The following NFIA variants were observed in gnomAD, a reference collection of about 807,000 sequenced individuals.
NFIA encodes nuclear factor I A.
A neutral mutation model predicts 62.8 loss-of-function variants in NFIA; 8 were observed. That is an observed-to-expected ratio of 0.13 (90% CI 0.07 to 0.23). NFIA has a LOEUF of 0.23. NFIA is among the 10% of genes least tolerant of loss of function. NFIA has a pLI of 1.00. For missense variants in NFIA, 410 were observed against 642.1 expected (o/e 0.64, Z 3.91); for synonymous variants, 235 against 238.1 (o/e 0.99, Z 0.12).
intron 6 of NFIA, among the ~76,000 whole-genome samples, chr1:61,372,862 A>G (rs1427432691): frequency 6.6e-6 from 1 of 152,034 alleles, no homozygotes; most frequent in African/African-American, 2.4e-5. Flanking sequence ...TGAAGGCACA[A>G]CTCTTTCAGA....
intron 6 of NFIA, among the ~76,000 whole-genome samples, chr1:61,371,895 C>T (rs1396462233): frequency 6.6e-6 from 1 of 151,918 alleles, no homozygotes; most frequent in African/African-American, 2.4e-5. Context: ...AGACCTTTCC[C>T]TCACAAGTTT....
At chr1:61,317,291 A>G (rs1660416813) in intron 3 of NFIA, among the ~76,000 whole-genome samples, 1 of 152,162 alleles carries the variant, frequency 6.6e-6, no homozygotes, top group African/African-American at 2.4e-5. Flanking sequence ...CCTAACGTCC[A>G]TTTCTAGAGT....
chr1:61,435,254 T>G (rs574275880), intron 10 of NFIA, among the ~76,000 whole-genome samples: 1 of 152,322 alleles, frequency 6.6e-6, no homozygotes, highest in African/African-American at 2.4e-5. Context: ...ATCTTGTGTA[T>G]CTTACCCTTT....
At chr1:61,130,688 C>T (rs997962012) in intron 2 of NFIA, among the ~76,000 whole-genome samples, 3 of 152,178 alleles carry the variant, frequency 2.0e-5, no homozygotes, top group Non-Finnish European at 4.4e-5. Context: ...GGGGGGCGTA[C>T]GTTTCTGTAG....
intron 6 of NFIA, among the ~76,000 whole-genome samples, chr1:61,367,319 GC>G (rs1372381966): frequency 5.3e-5 from 8 of 152,186 alleles, no homozygotes; most frequent in Non-Finnish European, 8.8e-5. Flanking sequence ...TAACAATAGT[GC>G]TTTGATCATG....
upstream of NFIA, chr1:61,082,157 A>G: frequency 1.7e-6 from 1 of 573,850 alleles, no homozygotes; most frequent in South Asian, 1.7e-5. Context: ...TACAGACTGT[A>G]ACTGCTCCTC....
intron 2 of NFIA, 131 bp from the exon 3 acceptor site, chr1:61,277,389 A>C (rs1453505996): frequency 3.9e-6 from 3 of 766,970 alleles, no homozygotes; most frequent in Non-Finnish European, 4.3e-6. Context: ...TCTTTTTTTC[A>C]TGTCTCATGT....
rs1170162185 is a variant in NFIA, at chr1:61,088,250, A to G, written c.129A>G (p.Lys43=). ...CCCGAAAACGAAAATACTTCAAAAA[A>G]CATGAAAAGCGTATGTCAAAAGAAG... is the stretch of plus-strand genomic sequence containing the variant. ...LQARKRKYFK[K]HEKRMSKEEE... The change falls in exon 2 of 11, where the codon AAA becomes AAG. Residue 43 remains lysine (K), a synonymous_variant. Coordinates refer to ENST00000403491, the MANE Select transcript of NFIA (RefSeq NM_001134673.4). The surrounding 1 kb of genome is among the most constrained non-coding windows in gnomAD (Gnocchi z 4.5). 6.2e-7 allele frequency: 1 copy of G among 1,613,644 alleles called. No individual in the cohort carries two copies. Among genetic ancestry groups the G allele is most frequent in the African/African-American group, 1.3e-5 (1 of 74,784 alleles).
chr1:61,202,537 C>T (rs888950429), intron 2 of NFIA, among the ~76,000 whole-genome samples: 1 of 152,022 alleles, frequency 6.6e-6, no homozygotes, highest in Admixed American at 6.6e-5. Context: ...TGATACATAC[C>T]AGGTCTATAG....
intron 2 of NFIA, among the ~76,000 whole-genome samples, chr1:61,264,559 G>A (rs1657018195): frequency 6.7e-6 from 1 of 148,880 alleles, no homozygotes; most frequent in African/African-American, 2.5e-5. Context: ...GCTGAGACGG[G>A]AGAATTGCCA....
chr1:61,461,249 T>C lies in NFIA; in HGVS notation c.*5929T>C, dbSNP rs143921926. ...TCAAGCCAGGTACCCATGCTTGATC[T>C]GTCTTCACACCAGACCTCCTCATAT... On this transcript the variant is annotated 3_prime_UTR_variant, in exon 11 of 11. Coordinates refer to ENST00000403491, the MANE Select transcript of NFIA (RefSeq NM_001134673.4). 2.0e-5 allele frequency: 3 copies of C among 152,262 alleles called. No individual in the cohort carries two copies. The highest frequency in any genetic ancestry group is 4.4e-5 in the Non-Finnish European group (3 of 68,018). 9.4% of individuals were successfully genotyped at this position (152,262 alleles called of 1,614,324 possible). A position where few individuals can be genotyped will look rare whatever the true frequency, so the allele number is the denominator to read the frequency against.
Position 61,314,057 on chromosome 1 carries a change from C to T in NFIA, c.626-18455C>T, listed in dbSNP as rs185551157. Among the ~76,000 whole-genome samples the T allele has an allele frequency of 9.7e-4, 148 of 152,306 alleles. 1 individual carries two copies. Among genetic ancestry groups the T allele is most frequent in the Non-Finnish European group, 1.5e-3 (100 of 68,030 alleles). ...AGTGAGCACTCAGTAAATATTAGCTCGTATCACTTTATTGTTATTGTTATT... is the reference window on the plus strand; with the variant it reads ...AGTGAGCACTCAGTAAATATTAGCTTGTATCACTTTATTGTTATTGTTATT... On this transcript the variant is annotated intron_variant, in intron 3 of 10. Transcript: ENST00000403491.
At chr1:61,393,841 C>T (rs761878961) in intron 7 of NFIA, among the ~76,000 whole-genome samples, 2 of 152,188 alleles carry the variant, frequency 1.3e-5, no homozygotes, top group African/African-American at 2.4e-5. Flanking sequence ...TGGCTTGTTC[C>T]TGCAGTTAGT....
At chr1:61,203,593 T>A (rs1652680746) in intron 2 of NFIA, among the ~76,000 whole-genome samples, 1 of 152,130 alleles carries the variant, frequency 6.6e-6, no homozygotes, top group Non-Finnish European at 1.5e-5. Context: ...TGTCCAGCCT[T>A]CCTTGATTAG....
chr1:61,178,962 A>T (rs1163239099), intron 2 of NFIA, among the ~76,000 whole-genome samples: 1 of 152,220 alleles, frequency 6.6e-6, no homozygotes, highest in Non-Finnish European at 1.5e-5. Context: ...ACTGTAGAAC[A>T]TGCCTCATTG....
intron 2 of NFIA, among the ~76,000 whole-genome samples, chr1:61,114,456 T>G (rs1034475980): frequency 3.3e-5 from 5 of 152,158 alleles, no homozygotes; most frequent in African/African-American, 9.7e-5. Flanking sequence ...ACCACTGCAC[T>G]CCAGCCTGGG....
intron 3 of NFIA, among the ~76,000 whole-genome samples, chr1:61,307,566 G>A (rs1295396579): frequency 7.9e-5 from 12 of 152,222 alleles, no homozygotes; most frequent in African/African-American, 2.9e-4. Context: ...ACCTGGATAA[G>A]TGTGTCGAGT....
intron 10 of NFIA, among the ~76,000 whole-genome samples, chr1:61,435,397 T>C (rs1404451907): frequency 6.6e-6 from 1 of 152,188 alleles, no homozygotes; most frequent in East Asian, 1.9e-4. Context: ...GAGTGAGTGG[T>C]TGTTGGCATT....
At chr1:61,435,237 C>G (rs1339637360) in intron 10 of NFIA, among the ~76,000 whole-genome samples, 1 of 152,196 alleles carries the variant, frequency 6.6e-6, no homozygotes, top group Non-Finnish European at 1.5e-5. Flanking sequence ...TGCCATTTAT[C>G]TCAGTGATCT....
Sources: allele counts gnomAD v4.1 joint callset (sites outside exome capture counted in the v4.1 genomes callset), GRCh38; gene constraint gnomAD v4.1.1; non-coding constraint Gnocchi (gnomAD v3.1); transcripts MANE v1.5; gene names NCBI Gene and HGNC (gene_info 2026-07-23, HGNC 2026-07-21).